ESR1: variants seen among roughly 807,000 people sequenced by gnomAD.
ESR1 encodes estrogen receptor 1, also known as estrogen receptor.
A neutral mutation model predicts 52.7 loss-of-function variants in ESR1; 12 were observed. The observed-to-expected ratio is 0.23, with a 90% CI of 0.15 to 0.37. The LOEUF (loss-of-function observed/expected upper bound fraction) is 0.37. Ranked by LOEUF, ESR1 falls within the 10% of genes least tolerant of loss-of-function variation. ESR1 has a pLI of 1.00. For missense variants in ESR1, 584 were observed against 779.7 expected (o/e 0.75, Z 2.99); for synonymous variants, 305 against 316.8 (o/e 0.96, Z 0.39).
intron 2 of ESR1, among the ~76,000 whole-genome samples, chr6:151,736,191 T>A (rs898510027): frequency 3.3e-5 from 5 of 152,204 alleles, no homozygotes; most frequent in African/African-American, 1.2e-4. Context: ...ATTATAAGAA[T>A]CTTCAGATTA....
chr6:151,743,336 C>T (rs1783238232), intron 2 of ESR1, among the ~76,000 whole-genome samples: 2 of 152,126 alleles, frequency 1.3e-5, no homozygotes, highest in African/African-American at 2.4e-5. Flanking sequence ...GAGCTCCTTC[C>T]GTCTCCTGAT....
chr6:151,844,374 G>A (rs996987283), intron 2 of ESR1, among the ~76,000 whole-genome samples: 1 of 152,270 alleles, frequency 6.6e-6, no homozygotes, highest in East Asian at 1.9e-4. Flanking sequence ...GGCAGTGAAA[G>A]AGCGTCTGAC....
At chr6:151,848,885 G>A (rs909220359) in intron 2 of ESR1, among the ~76,000 whole-genome samples, 2 of 151,966 alleles carry the variant, frequency 1.3e-5, no homozygotes, top group East Asian at 1.9e-4. Flanking sequence ...GAAAACATTC[G>A]ACATATTCTC....
chr6:151,850,450 A>G (rs1350052028), intron 2 of ESR1, among the ~76,000 whole-genome samples: 2 of 150,094 alleles, frequency 1.3e-5, no homozygotes, highest in African/African-American at 2.4e-5. Context: ...GGAGAGAGAG[A>G]GAGAGAAGGA....
intron 1 of ESR1, among the ~76,000 whole-genome samples, chr6:151,826,152 T>G (rs1040564717): frequency 1.3e-5 from 2 of 152,180 alleles, no homozygotes; most frequent in African/African-American, 4.8e-5. Flanking sequence ...CACACCTTGC[T>G]TCGCATAGCA....
At chr6:151,669,189 A>AGAGAGAGAGAGAGAGAGAGAGAG (rs774737323) in intron 1 of ESR1, among the ~76,000 whole-genome samples, 4 of 87,116 alleles carry the variant, frequency 4.6e-5, no homozygotes, top group African/African-American at 7.6e-5. Context: ...AGAGAGAGAG[A>AGAGAGAGAGAGAGAGAGAGAGAG]TGGGAATCCA....
intron 1 of ESR1, chr6:151,809,281 C>T (rs985586365): frequency 2.7e-6 from 1 of 367,966 alleles, no homozygotes; most frequent in African/African-American, 2.2e-5. Flanking sequence ...GGTTGTGTGT[C>T]CTCATTTTAA....
intron 2 of ESR1, among the ~76,000 whole-genome samples, chr6:151,713,334 A>C (rs1453385943): frequency 1.3e-5 from 2 of 152,230 alleles, no homozygotes; most frequent in East Asian, 1.9e-4. Context: ...TTTTGGTATC[A>C]GGATGATGCT....
intron 6 of ESR1, among the ~76,000 whole-genome samples, chr6:152,082,476 G>A (rs2049309438): frequency 6.6e-6 from 1 of 152,092 alleles, no homozygotes; most frequent in African/African-American, 2.4e-5. Context: ...AATAATAAGA[G>A]CTATTTATGA....
intron 3 of ESR1, among the ~76,000 whole-genome samples, chr6:151,897,373 G>A (rs117087454): frequency 0.02 from 3,049 of 152,226 alleles, 53 homozygotes; most frequent in South Asian, 0.086. Flanking sequence ...AGTGTTAGGT[G>A]CATATATATT....
intron 5 of ESR1, among the ~76,000 whole-genome samples, chr6:152,018,414 T>C (rs1195749288): frequency 1.3e-5 from 2 of 150,312 alleles, no homozygotes; most frequent in Middle Eastern, 3.4e-3. Flanking sequence ...ATTTTTTACT[T>C]GGAAGAATGA....
intron 2 of ESR1, among the ~76,000 whole-genome samples, chr6:151,777,366 A>G (rs1043032156): frequency 1.3e-5 from 2 of 151,722 alleles, no homozygotes; most frequent in Non-Finnish European, 2.9e-5. Flanking sequence ...TGATCTGCCC[A>G]CCTCAGCCTC....
chr6:151,758,559 G>A (rs142304977), intron 2 of ESR1, among the ~76,000 whole-genome samples: 3,126 of 151,998 alleles, frequency 0.021, 99 homozygotes, highest in African/African-American at 0.072. Flanking sequence ...TCAGGAGTTC[G>A]AGACCAGCCT....
chr6:151,843,307 A>T (rs1190535872), intron 2 of ESR1, among the ~76,000 whole-genome samples: 2 of 152,108 alleles, frequency 1.3e-5, no homozygotes, highest in African/African-American at 4.8e-5. Flanking sequence ...ATATTTTGCT[A>T]TGAGCTGACT....
At chr6:151,704,911 G>T (rs1460403676) in intron 2 of ESR1, among the ~76,000 whole-genome samples, 1 of 150,852 alleles carries the variant, frequency 6.6e-6, no homozygotes, top group Non-Finnish European at 1.5e-5. Context: ...GGGTTTCCAG[G>T]TTATGTATGC....
intron 3 of ESR1, among the ~76,000 whole-genome samples, chr6:151,897,274 G>A (rs765129471): frequency 2.0e-5 from 3 of 152,142 alleles, no homozygotes; most frequent in African/African-American, 4.8e-5. Context: ...TATTGTCAGT[G>A]GAGTATTGAA....
intron 4 of ESR1, among the ~76,000 whole-genome samples, chr6:152,005,243 T>C (rs2042244120): frequency 6.6e-6 from 1 of 152,014 alleles, no homozygotes; most frequent in Non-Finnish European, 1.5e-5. Context: ...CGTGCTTTCT[T>C]TTCTCATTTC....
At chr6:152,129,219 G>C (rs2054597143) in exon 7 of ESR1, 1 of 152,210 alleles carries the variant, frequency 6.6e-6, no homozygotes, top group Non-Finnish European at 1.5e-5. Flanking sequence ...AGAGCAGATA[G>C]ACGCAATATT....
chr6:151,929,973 A>T (rs1365113924), intron 3 of ESR1, among the ~76,000 whole-genome samples: 2 of 151,432 alleles, frequency 1.3e-5, no homozygotes, highest in Middle Eastern at 3.4e-3. Flanking sequence ...CTCTTAGAGT[A>T]TTAACTATAC....
Sources: allele counts gnomAD v4.1 joint callset (sites outside exome capture counted in the v4.1 genomes callset), GRCh38; gene constraint gnomAD v4.1.1; transcripts MANE v1.5; gene names NCBI Gene and HGNC (gene_info 2026-07-23, HGNC 2026-07-21).